Variants in SLC24A1 observed in about 807,000 individuals in gnomAD.
SLC24A1 encodes sodium/potassium/calcium exchanger 1.
In SLC24A1, 52 loss-of-function variants were observed where a neutral mutation model predicts 88.1. The observed-to-expected ratio is 0.59, with a 90% CI of 0.47 to 0.74. The LOEUF is 0.74. Among genes scored for constraint, SLC24A1 ranks in the 30% least tolerant of loss-of-function variants. The probability of loss-of-function intolerance (pLI) is 0.00; values close to 1 mark genes in which losing one functional copy is unlikely to be tolerated. For synonymous variants in SLC24A1, 455 were observed against 498.0 expected (o/e 0.91, Z 1.15); for missense variants, 1,173 against 1,363.3 (o/e 0.86, Z 2.20).
At chr15:65,616,825 C>T (rs1306230450) in intron 2 of SLC24A1, among the ~76,000 whole-genome samples, 2 of 152,136 alleles carry the variant, frequency 1.3e-5, no homozygotes, top group African/African-American at 4.8e-5. Flanking sequence ...AATGGTATTG[C>T]CTAGGTTTTC....
Position 65,654,573 on chromosome 15 carries a change from G to A in SLC24A1, c.*494G>A, listed in dbSNP as rs1292903965. ...TGTTCAAATTGTGAGGTTCTATCAG[G>A]TTTGTAATCACTGTAGCTTCAGTTA... is the stretch of plus-strand genomic sequence containing the variant. On this transcript the variant is annotated 3_prime_UTR_variant, in exon 10 of 10. Coordinates refer to ENST00000261892, the MANE Select transcript of SLC24A1 (RefSeq NM_004727.3). The A allele has an allele frequency of 8.3e-7, 1 of 1,197,776 alleles. No individual in the cohort carries two copies. The highest frequency in any genetic ancestry group is 1.6e-5 in the African/African-American group (1 of 61,592). The allele number at this position is 1,197,776 out of a possible 1,614,324, so 74.2% of individuals were successfully genotyped here.
At chr15:65,620,624 C>A (rs1327073775), upstream of SLC24A1, among the ~76,000 whole-genome samples, 1 of 152,140 alleles carries the variant, frequency 6.6e-6, no homozygotes, top group Non-Finnish European at 1.5e-5. Context: ...GGGTTTACCC[C>A]CAGCGGGTAG....
chr15:65,651,029 G>T, intron 7 of SLC24A1, 87 bp downstream of exon 7: 1 of 1,175,454 alleles, frequency 8.5e-7, no homozygotes, highest in East Asian at 2.4e-5. Flanking sequence ...CTCAAGAGGA[G>T]GAAGAGGCCA....
chr15:65,632,556 T>C (rs2074766029), intron 2 of SLC24A1, among the ~76,000 whole-genome samples: 1 of 152,194 alleles, frequency 6.6e-6, no homozygotes, highest in African/African-American at 2.4e-5. Flanking sequence ...AAATTGTGAA[T>C]CACCAACAAA....
At chr15:65,652,237 C>A in intron 8 of SLC24A1, 1 of 290,528 alleles carries the variant, frequency 3.4e-6, no homozygotes, top group Non-Finnish European at 6.6e-6. Context: ...TCATCCTGCT[C>A]ATACTTCACC....
chr15:65,645,595 A>T lies in SLC24A1; in HGVS notation c.2141-17A>T. 6.5e-7 allele frequency: 1 copy of T among 1,546,256 alleles called. No individual in the cohort carries two copies. Among genetic ancestry groups the T allele is most frequent in the Non-Finnish European group, 8.8e-7 (1 of 1,140,800 alleles). On this transcript the variant is annotated splice_polypyrimidine_tract_variant and intron_variant, in intron 5 of 9. Coordinates refer to ENST00000261892, the MANE Select transcript of SLC24A1 (RefSeq NM_004727.3). ...CTTGTCCACTCTTCTGATGTAACCCATGTTTATCCTTTAAAGAGGAGGAGC... is the reference window on the plus strand; with the variant it reads ...CTTGTCCACTCTTCTGATGTAACCCTTGTTTATCCTTTAAAGAGGAGGAGC...
At chr15:65,627,236 A>G (rs1474795295) in intron 2 of SLC24A1, among the ~76,000 whole-genome samples, 1 of 152,202 alleles carries the variant, frequency 6.6e-6, no homozygotes, top group African/African-American at 2.4e-5. Context: ...GTGACCATAG[A>G]CAGGTCCTTT....
chr15:65,656,667 C>T (rs1189635157), downstream of SLC24A1, among the ~76,000 whole-genome samples: 1 of 152,166 alleles, frequency 6.6e-6, no homozygotes, highest in Non-Finnish European at 1.5e-5. Context: ...TCTGAACTGT[C>T]CCAAATGGGT....
At chr15:65,635,000 TA>T (rs1415216979) in intron 2 of SLC24A1, among the ~76,000 whole-genome samples, 13 of 152,256 alleles carry the variant, frequency 8.5e-5, no homozygotes, top group Non-Finnish European at 1.6e-4. Context: ...TTCAGAAAGT[TA>T]GAAGTGCATG....
chr15:65,626,842 G>A (rs890451253), intron 2 of SLC24A1, among the ~76,000 whole-genome samples: 14 of 152,092 alleles, frequency 9.2e-5, no homozygotes, highest in Non-Finnish European at 2.9e-5. Context: ...CACCACACCC[G>A]GATCATTCCA....
downstream of SLC24A1, among the ~76,000 whole-genome samples, chr15:65,657,507 G>C (rs186795802): frequency 4.7e-3 from 717 of 152,300 alleles, 3 homozygotes; most frequent in Admixed American, 8.9e-3. Flanking sequence ...GCCGGGCGAG[G>C]TGGCAGGCGC....
In SLC24A1 at chr15:65,653,895, A is replaced by G. The variant is rs369270117; in HGVS notation, c.3116A>G (p.Asn1039Ser). The change falls in exon 10 of 10, where the codon AAT becomes AGT. Residue 1039 changes from asparagine (N) to serine (S), a missense_variant. By Grantham distance (46) the Asn-to-Ser change is conservative. Transcript: ENST00000261892. Reference sequence around the variant, plus strand: ...TTACAGCCAGTTCCAGTCAGCAGCAATGGCTTGTTTTGTGCAATTGTTTTG... The same window carrying G: ...TTACAGCCAGTTCCAGTCAGCAGCAGTGGCTTGTTTTGTGCAATTGTTTTG... ...NGLQPVPVSS[N>S]GLFCAIVLLF... The G allele has an allele frequency of 6.4e-5, 104 of 1,613,776 alleles. No individual in the cohort carries two copies. Among genetic ancestry groups the G allele is most frequent in the Admixed American group, 1.5e-4 (9 of 59,994 alleles).
At chr15:65,646,636 T>C (rs1273736297) in intron 6 of SLC24A1, among the ~76,000 whole-genome samples, 2 of 152,180 alleles carry the variant, frequency 1.3e-5, no homozygotes, top group African/African-American at 4.8e-5. Flanking sequence ...GTGAGGTTCC[T>C]GAAGGCAAGA....
At position 65,653,939 on chromosome 15, in the gene SLC24A1, T is replaced by A; in HGVS notation, c.3160T>A (p.Phe1054Ile). The A allele has an allele frequency of 6.2e-7, 1 of 1,614,020 alleles. No individual in the cohort carries two copies. Among genetic ancestry groups the A allele is most frequent in the Non-Finnish European group, 8.5e-7 (1 of 1,179,874 alleles). Residue 1054 changes from phenylalanine to isoleucine, a missense_variant, in exon 10 of 10, where the codon TTT becomes ATT. Phe to Ile is a conservative substitution (Grantham distance 21). Coordinates refer to ENST00000261892, the MANE Select transcript of SLC24A1 (RefSeq NM_004727.3). ...AIVLLFLMLL[F>I]VISSIASCKW... ...TGTTTTGCTTTTTCTCATGCTTCTG[T>A]TTGTGATCTCTTCAATTGCGTCATG...
chr15:65,657,466 C>A (rs571308809), downstream of SLC24A1, among the ~76,000 whole-genome samples: 3 of 151,964 alleles, frequency 2.0e-5, no homozygotes, highest in South Asian at 6.3e-4. Context: ...ACGGTGAAAC[C>A]CCGTCTCTAC....
chr15:65,649,732 C>T (rs560640098), intron 6 of SLC24A1, among the ~76,000 whole-genome samples: 2 of 152,266 alleles, frequency 1.3e-5, no homozygotes, highest in East Asian at 1.9e-4. Context: ...CATTATCATC[C>T]TTATTTTGTA....
downstream of SLC24A1, among the ~76,000 whole-genome samples, chr15:65,657,117 C>T (rs1440120663): frequency 2.0e-5 from 3 of 152,056 alleles, no homozygotes; most frequent in Non-Finnish European, 4.4e-5. Flanking sequence ...GCAATCTGCC[C>T]GCCTCGGCCT....
At chr15:65,630,390 T>G (rs968586110) in intron 2 of SLC24A1, among the ~76,000 whole-genome samples, 3 of 152,196 alleles carry the variant, frequency 2.0e-5, no homozygotes, top group Non-Finnish European at 4.4e-5. Context: ...TTATCAGGGT[T>G]GGCATTTATC....
chr15:65,650,580 G>A lies in SLC24A1; in HGVS notation c.2431G>A (p.Glu811Lys). 1 of 1,551,906 alleles carries A rather than the reference G, an allele frequency of 6.4e-7. No individual in the cohort carries two copies. Among genetic ancestry groups the A allele is most frequent in the Non-Finnish European group, 8.7e-7 (1 of 1,147,000 alleles). The change falls in exon 7 of 10, where the codon GAG becomes AAG. Residue 811 changes from glutamate to lysine, a missense_variant. Transcript: ENST00000261892. The surrounding 1 kb of genome is among the most constrained non-coding windows in gnomAD (Gnocchi z 4.1). ...AAAAGGAGACAATGAAGGTGAAGAT[G>A]AGGGTGAAATCCACGCAGAAGATGG... ...EGKGDNEGEDEGEIHAEDGEM... is the reference protein window; with the variant it reads ...EGKGDNEGEDKGEIHAEDGEM...
Sources: allele counts gnomAD v4.1 joint callset (sites outside exome capture counted in the v4.1 genomes callset), GRCh38; gene constraint gnomAD v4.1.1; non-coding constraint Gnocchi (gnomAD v3.1); transcripts MANE v1.5; gene names NCBI Gene and HGNC (gene_info 2026-07-23, HGNC 2026-07-21).